The following SEC14L1 variants were observed in gnomAD, a reference collection of about 807,000 sequenced individuals.
SEC14L1 encodes SEC14 like lipid binding 1, also known as SEC14-like protein 1.
SEC14L1 carries 48 observed loss-of-function variants against 85.3 expected under a neutral mutation model. The ratio of observed to expected loss-of-function variants is 0.56; its 90% confidence interval spans 0.45 to 0.72. The LOEUF is 0.72. Among genes scored for constraint, SEC14L1 ranks in the 30% least tolerant of loss-of-function variants. The pLI is 0.00. For synonymous variants in SEC14L1, 391 were observed against 355.5 expected, an observed-to-expected ratio of 1.10 and a Z score of -1.12; for missense variants, 682 against 921.4, an observed-to-expected ratio of 0.74 and a Z score of 3.36.
At position 77,123,600 on chromosome 17, in the gene SEC14L1, G is replaced by A. The variant is rs1381477389; in HGVS notation, c.-135-19046G>A. On this transcript the variant is annotated intron_variant, in intron 3 of 19. Coordinates refer to the SEC14L1 transcript ENST00000392476. ...CTATTTTCTTTGTTTTTTTTTTGTA[G>A]AGACAGAGGTCTCACCATGTTGCCC... Among the ~76,000 whole-genome samples, 5 of 150,424 alleles carry A rather than the reference G, an allele frequency of 3.3e-5. No homozygotes were observed. In the East Asian group the frequency reaches 9.8e-4, roughly 29 times the overall value.
intron 3 of SEC14L1, among the ~76,000 whole-genome samples, chr17:77,187,381 A>AC (rs1334987661): frequency 3.5e-5 from 5 of 142,354 alleles, no homozygotes; most frequent in Admixed American, 6.9e-5. Context: ...CCCCCCCCCC[A>AC]CACCCCTTTT....
intron 3 of SEC14L1, among the ~76,000 whole-genome samples, chr17:77,177,854 C>A (rs965776848): frequency 2.6e-5 from 4 of 152,050 alleles, no homozygotes; most frequent in Admixed American, 6.5e-5. Flanking sequence ...ATACCTAGTT[C>A]TTTTGTATGG....
At chr17:77,128,389 CA>C (rs1972511665) in intron 3 of SEC14L1, among the ~76,000 whole-genome samples, 1 of 129,996 alleles carries the variant, frequency 7.7e-6, no homozygotes. Context: ...CACACTTGAG[CA>C]TTTTATTTTA....
intron 3 of SEC14L1, among the ~76,000 whole-genome samples, chr17:77,145,831 G>A (rs184030419): frequency 5.2e-4 from 79 of 152,240 alleles, no homozygotes; most frequent in Admixed American, 2.7e-3. Flanking sequence ...TTGCCCTGTG[G>A]GACTGTGCCT....
chr17:77,123,511 A>C (rs545741796), intron 3 of SEC14L1, among the ~76,000 whole-genome samples: 11 of 145,664 alleles, frequency 7.6e-5, no homozygotes, highest in African/African-American at 2.8e-4. Context: ...TTCTGGGTTC[A>C]AGCGATTCTC....
Position 77,157,530 on chromosome 17 carries a change from CT to C in SEC14L1, c.63+13886del, listed in dbSNP as rs370936192. On this transcript the variant is annotated intron_variant, in intron 3 of 16. Coordinates refer to ENST00000436233, the MANE Select transcript of SEC14L1 (RefSeq NM_001143998.2). Reference sequence around the variant, plus strand: ...GAAAGGAGGGTGGTTTCTATTATAACTTTTTTTTTTTTTTTGAGATGGGGCC... The same window carrying C: ...GAAAGGAGGGTGGTTTCTATTATAACTTTTTTTTTTTTTTGAGATGGGGCC... 4.7e-3 allele frequency among the ~76,000 whole-genome samples: 679 copies of C among 144,214 alleles called. 2 individuals are homozygous for C. The highest frequency in any genetic ancestry group is 6.9e-3 in the Admixed American group (99 of 14,424). The allele number at this position is 144,214 out of a possible 152,430, so 94.6% of individuals were successfully genotyped here.
rs185261361 is a variant in SEC14L1, at chr17:77,153,199, C to T, written c.63+9540C>T. Among the ~76,000 whole-genome samples the T allele has an allele frequency of 1.4e-4, 22 of 152,226 alleles. No individual in the cohort carries two copies. In the East Asian group the frequency reaches 4.3e-3, roughly 29 times the overall value. On this transcript the variant is annotated intron_variant, in intron 3 of 16. Coordinates refer to ENST00000436233, the MANE Select transcript of SEC14L1 (RefSeq NM_001143998.2). Reference sequence around the variant, plus strand: ...TCTCCTGCCTCAGCCTCTGAGTAGCCGGGACTACAGGCATGCGCCACCACG... The same window carrying T: ...TCTCCTGCCTCAGCCTCTGAGTAGCTGGGACTACAGGCATGCGCCACCACG...
chr17:77,101,967 C>T (rs1567869065), intron 3 of SEC14L1, among the ~76,000 whole-genome samples: 2 of 152,146 alleles, frequency 1.3e-5, no homozygotes, highest in African/African-American at 4.8e-5. Context: ...CTCTTATTTA[C>T]ATAGGTACAT....
rs1053140158 is a variant in SEC14L1 at position 77,214,484 on chromosome 17, C to T, written c.*461C>T. On this transcript the variant is annotated 3_prime_UTR_variant, in exon 17 of 17. Coordinates refer to ENST00000436233, the MANE Select transcript of SEC14L1 (RefSeq NM_001143998.2). Reference sequence around the variant, plus strand: ...GCCTCATGGCCCGCACGCCGCCTCACGGCCCCCATGCTTCCCGCCAGTCAA... The same window carrying T: ...GCCTCATGGCCCGCACGCCGCCTCATGGCCCCCATGCTTCCCGCCAGTCAA... 3 of 1,000,660 alleles carry T rather than the reference C, an allele frequency of 3.0e-6. No homozygotes were observed. The highest frequency in any genetic ancestry group is 5.0e-4 in the Middle Eastern group (1 of 1,982). The allele number at this position is 1,000,660 out of a possible 1,614,324, so 62.0% of individuals were successfully genotyped here. A position where few individuals can be genotyped will look rare whatever the true frequency, so the allele number is the denominator to read the frequency against.
chr17:77,187,300 G>A (rs912320089), intron 3 of SEC14L1, among the ~76,000 whole-genome samples: 21 of 151,996 alleles, frequency 1.4e-4, no homozygotes, highest in African/African-American at 4.8e-4. Context: ...TAATGGGGCC[G>A]ACCACAGGGG....
In SEC14L1 at chr17:77,213,077, G is replaced by A. The variant is rs1976847451; in HGVS notation, c.1864-237G>A. Reference sequence around the variant, plus strand: ...GCTGGGCAGGCCTCGTGAGGGCCACGGACATGGAGCTTGTCCCTCCGGGCT... The same window carrying A: ...GCTGGGCAGGCCTCGTGAGGGCCACAGACATGGAGCTTGTCCCTCCGGGCT... On this transcript the variant is annotated intron_variant, in intron 15 of 16. Transcript: ENST00000436233. The surrounding 1 kb of genome is among the most constrained non-coding windows in gnomAD (Gnocchi z 7.1). Among the ~76,000 whole-genome samples, 1 of 152,236 alleles carries A rather than the reference G, an allele frequency of 6.6e-6. No individual in the cohort carries two copies. Among genetic ancestry groups the A allele is most frequent in the Non-Finnish European group, 1.5e-5 (1 of 68,050 alleles).
chr17:77,116,969 T>C (rs1167018646), intron 3 of SEC14L1, among the ~76,000 whole-genome samples: 1 of 152,210 alleles, frequency 6.6e-6, no homozygotes, highest in African/African-American at 2.4e-5. Context: ...AAGCATCCTC[T>C]TCATTTGCTG....
intron 3 of SEC14L1, among the ~76,000 whole-genome samples, chr17:77,127,722 C>T (rs979498387): frequency 2.0e-5 from 3 of 152,196 alleles, no homozygotes; most frequent in South Asian, 4.1e-4. Context: ...AGTCCTAACC[C>T]CTGGTACCTG....
intron 3 of SEC14L1, among the ~76,000 whole-genome samples, chr17:77,164,046 G>T (rs1011818947): frequency 6.6e-6 from 1 of 152,228 alleles, no homozygotes; most frequent in East Asian, 1.9e-4. Context: ...TGCTTGTGTG[G>T]CAATATCTTG....
In SEC14L1 at chr17:77,157,530, CTTTTT is replaced by C. The variant is rs370936192; in HGVS notation, c.63+13882_63+13886del. On this transcript the variant is annotated intron_variant, in intron 3 of 16. Transcript: ENST00000436233. ...GAAAGGAGGGTGGTTTCTATTATAACTTTTTTTTTTTTTTTGAGATGGGGCCTCGC... is the reference window on the plus strand; with the variant it reads ...GAAAGGAGGGTGGTTTCTATTATAACTTTTTTTTTTGAGATGGGGCCTCGC... 1.2e-4 allele frequency among the ~76,000 whole-genome samples: 17 copies of C among 144,424 alleles called. 1 individual carries two copies. Among genetic ancestry groups the C allele is most frequent in the Admixed American group, 7.6e-4 (11 of 14,452 alleles). 94.7% of individuals were successfully genotyped at this position (144,424 alleles called of 152,430 possible). A position where few individuals can be genotyped will look rare whatever the true frequency, so the allele number is the denominator to read the frequency against.
intron 13 of SEC14L1, among the ~76,000 whole-genome samples, chr17:77,208,677 T>C (rs554704791): frequency 5.9e-5 from 9 of 152,334 alleles, no homozygotes; most frequent in South Asian, 4.1e-4. Flanking sequence ...TTGACACTTA[T>C]GCTGTACTGC....
chr17:77,134,587 G>A (rs1197650986), intron 3 of SEC14L1, among the ~76,000 whole-genome samples: 1 of 151,894 alleles, frequency 6.6e-6, no homozygotes, highest in Admixed American at 6.6e-5. Flanking sequence ...CAAAAATTAG[G>A]CAGGTGTGGT....
chr17:77,091,410 G>A (rs1359303857), intron 2 of SEC14L1, among the ~76,000 whole-genome samples: 3 of 152,050 alleles, frequency 2.0e-5, no homozygotes, highest in Non-Finnish European at 4.4e-5. Flanking sequence ...TTATGTAAGA[G>A]GATGATACAG....
At chr17:77,154,350 C>T (rs75847339) in intron 3 of SEC14L1, among the ~76,000 whole-genome samples, 2,774 of 152,174 alleles carry the variant, frequency 0.018, 96 homozygotes, top group African/African-American at 0.063. Flanking sequence ...GGCGCATGCC[C>T]GTAGTCTCAG....
Sources: gnomAD v4.1 joint callset for allele counts (sites outside exome capture counted in the v4.1 genomes callset) on GRCh38, gnomAD v4.1.1 for gene constraint, Gnocchi (gnomAD v3.1) non-coding constraint, MANE v1.5 for transcripts, NCBI Gene and HGNC (gene_info 2026-07-23, HGNC 2026-07-21) for gene names.